Variants in ATP2C1 observed in about 807,000 individuals in gnomAD.
ATP2C1 encodes ATPase secretory pathway Ca2+ transporting 1, also known as calcium-transporting ATPase type 2C member 1.
In ATP2C1, 31 loss-of-function variants were observed where a neutral mutation model predicts 120.5. The observed-to-expected ratio is 0.26, with a 90% CI of 0.19 to 0.35. The LOEUF is 0.35. Ranked by LOEUF, ATP2C1 falls within the 10% of genes least tolerant of loss-of-function variation. The pLI is 1.00. For missense variants in ATP2C1, 731 were observed against 1,107.5 expected (o/e 0.66, Z 4.83); for synonymous variants, 351 against 358.7 (o/e 0.98, Z 0.24).
chr3:130,862,350 A>ATTTC (rs1378311754), intron 1 of ATP2C1, among the ~76,000 whole-genome samples: 1 of 147,270 alleles, frequency 6.8e-6, no homozygotes. Context: ...TTATTTATTT[A>ATTTC]TTTATTTTTA....
intron 2 of ATP2C1, among the ~76,000 whole-genome samples, chr3:130,902,194 T>A (rs2057866909): frequency 6.6e-6 from 1 of 151,428 alleles, no homozygotes; most frequent in Non-Finnish European, 1.5e-5. Context: ...AAAGAGCCTC[T>A]CAGCAAATCC....
At chr3:131,013,795 G>A (rs2063440317) in intron 26 of ATP2C1, 2 of 305,724 alleles carry the variant, frequency 6.5e-6, no homozygotes, top group African/African-American at 2.2e-5. Context: ...AAAGCATATA[G>A]ACTATATTAC....
At chr3:130,964,923 G>T in intron 13 of ATP2C1, 25 bp from the exon 14 acceptor site, 1 of 1,546,474 alleles carries the variant, frequency 6.5e-7, no homozygotes, top group South Asian at 1.1e-5. Flanking sequence ...TTCTTTTGGT[G>T]ACTTGTAATG....
At chr3:130,853,544 C>A (rs77215192) in intron 1 of ATP2C1, among the ~76,000 whole-genome samples, 3,528 of 152,256 alleles carry the variant, frequency 0.023, 143 homozygotes, top group African/African-American at 0.08. Context: ...TGAACTCCCC[C>A]CTCTAGCCTA....
At chr3:130,997,058 G>A (rs985438658) in intron 24 of ATP2C1, among the ~76,000 whole-genome samples, 5 of 152,064 alleles carry the variant, frequency 3.3e-5, no homozygotes, top group Non-Finnish European at 7.4e-5. Flanking sequence ...CTGTCCTCAG[G>A]AAGTAAGTAA....
intron 1 of ATP2C1, among the ~76,000 whole-genome samples, chr3:130,864,482 T>C (rs1026909310): frequency 2.0e-5 from 3 of 152,234 alleles, no homozygotes; most frequent in African/African-American, 7.2e-5. Context: ...GGAATTTTCA[T>C]AAGTAGCAAG....
At position 131,001,465 on chromosome 3, in the gene ATP2C1, A is replaced by G; in HGVS notation, c.*115A>G. On this transcript the variant is annotated 3_prime_UTR_variant, in exon 28 of 28. Transcript: ENST00000510168. ...AACTTTTTAACTATTCATTGACTAA[A>G]AATGAACATTAATGTTAAAGACTTA... 6.9e-7 allele frequency: 1 copy of G among 1,448,252 alleles called. No homozygotes were observed. Among genetic ancestry groups the G allele is most frequent in the Non-Finnish European group, 9.1e-7 (1 of 1,101,660 alleles). The allele number at this position is 1,448,252 out of a possible 1,614,324, so 89.7% of individuals were successfully genotyped here.
intron 13 of ATP2C1, 23 bp downstream of exon 13, chr3:130,964,118 C>T: frequency 6.2e-7 from 1 of 1,611,300 alleles, no homozygotes. Context: ...TAAGAGCATT[C>T]TTATGCAATG....
intron 2 of ATP2C1, among the ~76,000 whole-genome samples, chr3:130,906,510 G>T (rs2058126922): frequency 6.6e-6 from 1 of 151,918 alleles, no homozygotes; most frequent in South Asian, 2.1e-4. Flanking sequence ...CATGTTTTCA[G>T]TTTTTTCAGG....
intron 1 of ATP2C1, among the ~76,000 whole-genome samples, chr3:130,862,181 C>T (rs2068036788): frequency 6.7e-6 from 1 of 148,938 alleles, no homozygotes; most frequent in Non-Finnish European, 1.5e-5. Context: ...GACGGAGTTT[C>T]ACCGTGTTAG....
intron 26 of ATP2C1, among the ~76,000 whole-genome samples, chr3:131,011,326 T>C (rs2063310054): frequency 6.6e-6 from 1 of 152,240 alleles, no homozygotes; most frequent in Admixed American, 6.5e-5. Context: ...GATTAGGTTA[T>C]AGTAAAAGTT....
At chr3:131,010,591 G>A (rs1027016737) in intron 26 of ATP2C1, among the ~76,000 whole-genome samples, 3 of 152,096 alleles carry the variant, frequency 2.0e-5, no homozygotes, top group African/African-American at 7.2e-5. Context: ...GGCTCAAGGG[G>A]GACAGGTACT....
At chr3:130,887,698 G>A (rs913410625) in intron 1 of ATP2C1, among the ~76,000 whole-genome samples, 1 of 152,112 alleles carries the variant, frequency 6.6e-6, no homozygotes, top group Admixed American at 6.5e-5. Flanking sequence ...GGTGAATGCT[G>A]CCAGGCTTGG....
In ATP2C1 at chr3:130,934,534, C is replaced by T. The variant is rs569007329; in HGVS notation, c.235-88C>T. On this transcript the variant is annotated intron_variant, in intron 4 of 27. Coordinates refer to ENST00000510168, the MANE Select transcript of ATP2C1 (RefSeq NM_001378687.1). ...AGACTTTTGTAATTTTCCAGTCATG[C>T]TCTTATGGTTTTTTTTTTTTAAAGC... is the stretch of plus-strand genomic sequence containing the variant. The T allele has an allele frequency of 5.9e-6, 5 of 842,298 alleles. No individual in the cohort carries two copies. In the East Asian group the frequency reaches 1.2e-4, roughly 21 times the overall value. The allele number at this position is 842,298 out of a possible 1,614,324, so 52.2% of individuals were successfully genotyped here.
At chr3:130,915,239 G>T (rs964643270) in intron 2 of ATP2C1, among the ~76,000 whole-genome samples, 1 of 151,546 alleles carries the variant, frequency 6.6e-6, no homozygotes, top group African/African-American at 2.4e-5. Context: ...GATTAAAGGC[G>T]CCTGCCACTA....
chr3:130,951,336 T>C (rs1021846967), intron 8 of ATP2C1, among the ~76,000 whole-genome samples: 2 of 152,152 alleles, frequency 1.3e-5, no homozygotes, highest in African/African-American at 4.8e-5. Flanking sequence ...TCTATAACGT[T>C]GGATGAGTTA....
In ATP2C1 at chr3:131,002,042, G is replaced by T. The variant is rs1407060073; in HGVS notation, c.*692G>T. The T allele has an allele frequency of 3.0e-6, 3 of 985,364 alleles. No homozygotes were observed. Among genetic ancestry groups the T allele is most frequent in the African/African-American group, 1.7e-5 (1 of 57,214 alleles). The allele number at this position is 985,364 out of a possible 1,614,324, so 61.0% of individuals were successfully genotyped here. A position where few individuals can be genotyped will look rare whatever the true frequency, so the allele number is the denominator to read the frequency against. On this transcript the variant is annotated 3_prime_UTR_variant, in exon 28 of 28. Coordinates refer to ENST00000510168, the MANE Select transcript of ATP2C1 (RefSeq NM_001378687.1). Reference sequence around the variant, plus strand: ...TTTTATTTTAAAAAGGTATGTCTTTGGTTTGGCAGAATTCATGCAGGGCTA... The same window carrying T: ...TTTTATTTTAAAAAGGTATGTCTTTTGTTTGGCAGAATTCATGCAGGGCTA...
intron 2 of ATP2C1, among the ~76,000 whole-genome samples, chr3:130,929,594 C>T (rs939594580): frequency 1.3e-5 from 2 of 152,100 alleles, no homozygotes; most frequent in Non-Finnish European, 2.9e-5. Context: ...CAAGTGTTTT[C>T]GTCTCTTAAG....
At chr3:130,952,469 G>A (rs1374330201) in intron 8 of ATP2C1, among the ~76,000 whole-genome samples, 1 of 152,076 alleles carries the variant, frequency 6.6e-6, no homozygotes, top group African/African-American at 2.4e-5. Flanking sequence ...TTGAAAAGAT[G>A]TAATTTATAA....
Sources: gnomAD v4.1 joint callset for allele counts (sites outside exome capture counted in the v4.1 genomes callset) on GRCh38, gnomAD v4.1.1 for gene constraint, MANE v1.5 for transcripts, NCBI Gene and HGNC (gene_info 2026-07-23, HGNC 2026-07-21) for gene names.